Variants in SMYD3 observed in about 807,000 individuals in gnomAD.
SMYD3 encodes SET and MYND domain containing 3.
Under a neutral mutation model 57.7 loss-of-function variants are expected in SMYD3, and 36 were observed. The ratio of observed to expected loss-of-function variants is 0.62; its 90% CI spans 0.48 to 0.82. The LOEUF (loss-of-function observed/expected upper bound fraction) is 0.82. Ranked by LOEUF, SMYD3 falls within the 40% of genes least tolerant of loss-of-function variation. SMYD3 has a pLI of 0.00. For missense variants in SMYD3, 515 were observed against 538.8 expected, an observed-to-expected ratio of 0.96 and a Z score of 0.44; for synonymous variants, 211 against 195.0, an observed-to-expected ratio of 1.08 and a Z score of -0.68.
intron 8 of SMYD3, 31 bp downstream of exon 8, chr1:245,915,499 A>C: frequency 2.9e-6 from 4 of 1,378,688 alleles, no homozygotes; most frequent in South Asian, 1.2e-5. Context: ...TTTGCCGTGG[A>C]GGTGTTTCAA....
At chr1:245,750,895 C>G (rs1167017150) in intron 11 of SMYD3, among the ~76,000 whole-genome samples, 1 of 152,104 alleles carries the variant, frequency 6.6e-6, no homozygotes, top group African/African-American at 2.4e-5. Context: ...GCAGGATCAA[C>G]CAGGGAGCTT....
At chr1:246,317,212 C>G (rs539729730) in intron 5 of SMYD3, among the ~76,000 whole-genome samples, 5 of 152,222 alleles carry the variant, frequency 3.3e-5, no homozygotes, top group African/African-American at 9.6e-5. Context: ...AAAATTGACT[C>G]AAAAAACAAT....
At chr1:246,082,906 G>C (rs2060660629) in intron 5 of SMYD3, among the ~76,000 whole-genome samples, 1 of 150,702 alleles carries the variant, frequency 6.6e-6, no homozygotes, top group African/African-American at 2.5e-5. Flanking sequence ...TTAAACAGAT[G>C]CTTGAAGGCA....
intron 10 of SMYD3, among the ~76,000 whole-genome samples, chr1:245,836,371 G>A (rs537083175): frequency 6.6e-6 from 1 of 152,220 alleles, no homozygotes; most frequent in Non-Finnish European, 1.5e-5. Context: ...CCTCCGTGCG[G>A]TCCTGAACTG....
At chr1:245,919,458 G>A (rs926958461) in intron 7 of SMYD3, among the ~76,000 whole-genome samples, 3 of 152,216 alleles carry the variant, frequency 2.0e-5, no homozygotes, top group African/African-American at 7.2e-5. Flanking sequence ...TCCAAGCTTG[G>A]CTCAAATACA....
At chr1:246,208,412 T>G (rs1054246447) in intron 5 of SMYD3, among the ~76,000 whole-genome samples, 5 of 152,142 alleles carry the variant, frequency 3.3e-5, no homozygotes, top group Admixed American at 3.3e-4. Context: ...CACTTCATGA[T>G]AATAGAGTTA....
intron 5 of SMYD3, among the ~76,000 whole-genome samples, chr1:246,208,140 C>G (rs2063029009): frequency 1.3e-5 from 2 of 152,114 alleles, no homozygotes; most frequent in Non-Finnish European, 1.5e-5. Context: ...TAGTTATTAT[C>G]TCATAGGCTA....
chr1:246,220,332 A>G (rs1221748941), intron 5 of SMYD3, among the ~76,000 whole-genome samples: 1 of 126,434 alleles, frequency 7.9e-6, no homozygotes, highest in Non-Finnish European at 1.7e-5. Context: ...GCTCTCCCCA[A>G]CCCACCATGC....
chr1:246,463,337 G>C (rs1445072502), intron 1 of SMYD3, among the ~76,000 whole-genome samples: 1 of 152,136 alleles, frequency 6.6e-6, no homozygotes, highest in Non-Finnish European at 1.5e-5. Context: ...GCAGTTATTA[G>C]GCTAACAGGT....
Position 245,764,165 on chromosome 1 carries a change from C to A in SMYD3, c.1077-16G>T. On this transcript the variant is annotated splice_polypyrimidine_tract_variant and intron_variant, in intron 10 of 11. Coordinates refer to ENST00000490107, the MANE Select transcript of SMYD3 (RefSeq NM_001167740.2). ...GAAAAAAATCCTGGAAGAAACCAAA[C>A]GGCAAACAGTGTCAGCAGCCCTCAC... 1 of 1,575,434 alleles carries A rather than the reference C, an allele frequency of 6.3e-7. No homozygotes were observed. Among genetic ancestry groups the A allele is most frequent in the Non-Finnish European group, 8.7e-7 (1 of 1,144,794 alleles).
At chr1:245,789,456 C>T (rs1425572176) in intron 10 of SMYD3, among the ~76,000 whole-genome samples, 5 of 152,102 alleles carry the variant, frequency 3.3e-5, no homozygotes, top group African/African-American at 7.2e-5. Flanking sequence ...AAAATACAGA[C>T]TAAGAAGAAA....
At chr1:245,859,965 T>C (rs1204490188) in intron 9 of SMYD3, among the ~76,000 whole-genome samples, 1 of 152,234 alleles carries the variant, frequency 6.6e-6, no homozygotes, top group African/African-American at 2.4e-5. Context: ...CAGTTCATGA[T>C]GTGTCCTCTC....
chr1:246,475,220 T>C (rs570144526), intron 1 of SMYD3, among the ~76,000 whole-genome samples: 3 of 150,838 alleles, frequency 2.0e-5, no homozygotes, highest in Non-Finnish European at 2.9e-5. Context: ...TAATCCCAGC[T>C]ACTTGGGAGA....
At chr1:245,924,725 C>T (rs548700650) in intron 7 of SMYD3, among the ~76,000 whole-genome samples, 50 of 145,426 alleles carry the variant, frequency 3.4e-4, no homozygotes, top group African/African-American at 1.2e-3. Context: ...TGCAATGGTG[C>T]GATCTTGGCT....
chr1:246,471,822 T>G (rs2103049377), intron 1 of SMYD3, among the ~76,000 whole-genome samples: 1 of 152,290 alleles, frequency 6.6e-6, no homozygotes, highest in South Asian at 2.1e-4. Flanking sequence ...ACTTCTTAAG[T>G]TAACTAGGCT....
intron 5 of SMYD3, among the ~76,000 whole-genome samples, chr1:246,222,565 C>T (rs2063273662): frequency 6.6e-6 from 1 of 152,160 alleles, no homozygotes; most frequent in East Asian, 1.9e-4. Context: ...TCAGCAAGAG[C>T]TCCTGTCATA....
At chr1:246,053,853 G>T (rs886117521) in intron 5 of SMYD3, among the ~76,000 whole-genome samples, 1 of 151,480 alleles carries the variant, frequency 6.6e-6, no homozygotes, top group Non-Finnish European at 1.5e-5. Flanking sequence ...GAAAATATTT[G>T]TGACTTTCCC....
intron 10 of SMYD3, among the ~76,000 whole-genome samples, chr1:245,805,562 T>C (rs2148261145): frequency 6.6e-6 from 1 of 152,360 alleles, no homozygotes; most frequent in South Asian, 2.1e-4. Context: ...TTCTGCTCTT[T>C]TACCTGTTTT....
intron 4 of SMYD3, among the ~76,000 whole-genome samples, chr1:246,327,649 C>T (rs550706068): frequency 3.3e-4 from 51 of 152,304 alleles, no homozygotes; most frequent in South Asian, 2.9e-3. Flanking sequence ...TCATTCTGTA[C>T]ACACATACAA....
Sources: gnomAD v4.1 joint callset for allele counts (sites outside exome capture counted in the v4.1 genomes callset) on GRCh38, gnomAD v4.1.1 for gene constraint, MANE v1.5 for transcripts, NCBI Gene and HGNC (gene_info 2026-07-23, HGNC 2026-07-21) for gene names.